Variants in SCARA5 observed in about 807,000 individuals in gnomAD.
The protein encoded by SCARA5 is scavenger receptor class A, member 5 (putative).
SCARA5 carries 45 observed loss-of-function variants against 46.3 expected under a neutral mutation model. The ratio of observed to expected loss-of-function variants is 0.97; its 90% confidence interval spans 0.76 to 1.24. SCARA5 has a LOEUF of 1.24. Among genes scored for constraint, SCARA5 ranks in the 50% most tolerant of loss-of-function variants. The pLI is 0.00. For synonymous variants in SCARA5, 333 were observed against 306.5 expected (o/e 1.09, Z -0.90); for missense variants, 680 against 689.0 (o/e 0.99, Z 0.15).
At chr8:27,892,606 C>CTTTTT (rs1230257718) in intron 7 of SCARA5, among the ~76,000 whole-genome samples, 3 of 127,034 alleles carry the variant, frequency 2.4e-5, no homozygotes, top group Non-Finnish European at 4.7e-5. Flanking sequence ...ATACCTCACC[C>CTTTTT]TTTTTTTTTT....
intron 3 of SCARA5, among the ~76,000 whole-genome samples, chr8:27,923,831 C>T (rs575753252): frequency 2.6e-5 from 4 of 152,278 alleles, no homozygotes; most frequent in South Asian, 4.1e-4. Flanking sequence ...CCTTGGCCTC[C>T]CAAAGTGTTG....
intron 3 of SCARA5, among the ~76,000 whole-genome samples, chr8:27,963,018 T>C (rs560843452): frequency 2.6e-5 from 4 of 152,222 alleles, no homozygotes; most frequent in Admixed American, 6.5e-5. Context: ...GTGGTCTTGC[T>C]ACATTGCTGC....
intron 3 of SCARA5, among the ~76,000 whole-genome samples, chr8:27,961,401 G>A (rs1391506316): frequency 1.3e-5 from 2 of 152,158 alleles, no homozygotes; most frequent in Non-Finnish European, 2.9e-5. Flanking sequence ...TGCCATGACT[G>A]GAAGCTTCCT....
At chr8:27,960,833 TA>T (rs11452559) in intron 3 of SCARA5, among the ~76,000 whole-genome samples, 1 of 151,908 alleles carries the variant, frequency 6.6e-6, no homozygotes, top group Non-Finnish European at 1.5e-5. Flanking sequence ...GTGATCATGT[TA>T]AAAAAACATA....
chr8:27,924,716 A>G (rs894825215), intron 3 of SCARA5, among the ~76,000 whole-genome samples: 1 of 152,240 alleles, frequency 6.6e-6, no homozygotes, highest in Non-Finnish European at 1.5e-5. Flanking sequence ...TGCAGATGAC[A>G]TGATTGTATA....
intron 4 of SCARA5, 93 bp downstream of exon 4, chr8:27,921,478 C>T (rs1807582571): frequency 9.2e-7 from 1 of 1,089,730 alleles, no homozygotes; most frequent in Non-Finnish European, 1.3e-6. Flanking sequence ...TGGGGTGGGG[C>T]TGGGGTACTC....
intron 4 of SCARA5, among the ~76,000 whole-genome samples, chr8:27,920,783 C>T (rs1807570144): frequency 6.6e-6 from 1 of 151,648 alleles, no homozygotes; most frequent in African/African-American, 2.4e-5. Flanking sequence ...CCAGCCTGGG[C>T]AACAGAGCCA....
chr8:27,908,352 G>C (rs558170146), intron 5 of SCARA5, among the ~76,000 whole-genome samples: 1 of 152,170 alleles, frequency 6.6e-6, no homozygotes, highest in Non-Finnish European at 1.5e-5. Flanking sequence ...TGACGGTGCC[G>C]GCGCCATGCA....
intron 7 of SCARA5, among the ~76,000 whole-genome samples, chr8:27,896,017 G>A (rs1479179575): frequency 6.6e-6 from 1 of 152,238 alleles, no homozygotes; most frequent in African/African-American, 2.4e-5. Context: ...CAGAAGCTCT[G>A]CTTAGAGCTG....
intron 4 of SCARA5, among the ~76,000 whole-genome samples, chr8:27,911,616 G>A (rs2685346): frequency 0.56 from 84,712 of 151,906 alleles, 24,253 homozygotes; most frequent in Non-Finnish European, 0.63. Flanking sequence ...GCCTGAATCC[G>A]GGAGGCAGAG....
chr8:27,871,683 T>G lies in SCARA5; in HGVS notation c.*251A>C, dbSNP rs1806640282. 1 of 1,370,810 alleles carries G rather than the reference T, an allele frequency of 7.3e-7. No homozygotes were observed. Among genetic ancestry groups the G allele is most frequent in the Admixed American group, 3.0e-5 (1 of 32,982 alleles). The allele number at this position is 1,370,810 out of a possible 1,614,324, so 84.9% of individuals were successfully genotyped here. A position where few individuals can be genotyped will look rare whatever the true frequency, so the allele number is the denominator to read the frequency against. ...CTGGGCAAAGTGGTGATCCAGTTGATCAGGGCTCCTCATGCAGGAACCTGG... is the reference window on the plus strand; with the variant it reads ...CTGGGCAAAGTGGTGATCCAGTTGAGCAGGGCTCCTCATGCAGGAACCTGG... On this transcript the variant is annotated 3_prime_UTR_variant, in exon 9 of 9. Coordinates refer to ENST00000354914, the MANE Select transcript of SCARA5 (RefSeq NM_173833.6).
chr8:27,943,565 T>G (rs1807984874), intron 3 of SCARA5, among the ~76,000 whole-genome samples: 1 of 152,254 alleles, frequency 6.6e-6, no homozygotes, highest in Admixed American at 6.5e-5. Context: ...GCCTAAGCTG[T>G]GGTGCTTGCC....
chr8:27,947,352 A>G (rs111724042), intron 3 of SCARA5, among the ~76,000 whole-genome samples: 3,515 of 152,274 alleles, frequency 0.023, 122 homozygotes, highest in African/African-American at 0.079. Flanking sequence ...AAAAATCCAA[A>G]GGGCAAGAGA....
intron 7 of SCARA5, among the ~76,000 whole-genome samples, chr8:27,890,521 G>A (rs983373250): frequency 6.6e-6 from 1 of 152,236 alleles, no homozygotes; most frequent in Non-Finnish European, 1.5e-5. Flanking sequence ...CTGAATAGAT[G>A]GCGTGGAGGG....
intron 2 of SCARA5, among the ~76,000 whole-genome samples, chr8:27,980,823 C>CT (rs1369525921): frequency 3.3e-5 from 5 of 152,208 alleles, no homozygotes; most frequent in Non-Finnish European, 5.9e-5. Flanking sequence ...AAGGAACTTG[C>CT]TCAATTTCCT....
intron 2 of SCARA5, among the ~76,000 whole-genome samples, chr8:27,970,741 G>T (rs890450417): frequency 1.3e-5 from 2 of 152,034 alleles, no homozygotes; most frequent in Non-Finnish European, 2.9e-5. Flanking sequence ...TCCAATTTTG[G>T]GGCTTGCTCC....
chr8:27,881,339 A>G (rs572185448), intron 7 of SCARA5, among the ~76,000 whole-genome samples: 1 of 152,362 alleles, frequency 6.6e-6, no homozygotes, highest in East Asian at 1.9e-4. Flanking sequence ...TGTGGTACAT[A>G]TACATATACA....
At chr8:27,968,903 G>A (rs1808408527) in intron 2 of SCARA5, among the ~76,000 whole-genome samples, 1 of 152,194 alleles carries the variant, frequency 6.6e-6, no homozygotes, top group Non-Finnish European at 1.5e-5. Context: ...GCACCTACTT[G>A]TGACAGGTGC....
chr8:27,927,602 A>G (rs1431062618), intron 3 of SCARA5, among the ~76,000 whole-genome samples: 1 of 152,136 alleles, frequency 6.6e-6, no homozygotes, highest in African/African-American at 2.4e-5. Flanking sequence ...CCTCAAGAGG[A>G]CACATTTAAT....
Sources: allele counts gnomAD v4.1 joint callset (sites outside exome capture counted in the v4.1 genomes callset), GRCh38; gene constraint gnomAD v4.1.1; transcripts MANE v1.5; gene names NCBI Gene and HGNC (gene_info 2026-07-23, HGNC 2026-07-21).